GBE1: variants seen among roughly 807,000 people sequenced by gnomAD.
The protein encoded by GBE1 is 1,4-alpha-glucan branching enzyme 1.
A neutral mutation model predicts 88.8 loss-of-function variants in GBE1; 70 were observed. The observed-to-expected ratio is 0.79, with a 90% CI of 0.65 to 0.96. GBE1 has a LOEUF of 0.96. Among genes scored for constraint, GBE1 ranks in the 40% least tolerant of loss-of-function variants. The pLI, the probability that GBE1 is intolerant of heterozygous loss-of-function variation, is 0.00. For missense variants in GBE1, 872 were observed against 871.0 expected (o/e 1.00, Z -0.01); for synonymous variants, 284 against 300.1 (o/e 0.95, Z 0.56).
intron 7 of GBE1, among the ~76,000 whole-genome samples, chr3:81,609,763 T>C (rs1704147838): frequency 6.6e-6 from 1 of 152,198 alleles, no homozygotes; most frequent in African/African-American, 2.4e-5. Flanking sequence ...ACTGTTAATA[T>C]TGTTGGTTGC....
intron 3 of GBE1, among the ~76,000 whole-genome samples, chr3:81,660,595 T>TA (rs1222036361): frequency 1.3e-5 from 2 of 151,948 alleles, no homozygotes; most frequent in African/African-American, 2.4e-5. Context: ...GCTGACCATT[T>TA]AAAAAAAATT....
chr3:81,740,796 T>C (rs992962982), intron 1 of GBE1, among the ~76,000 whole-genome samples: 6 of 93,574 alleles, frequency 6.4e-5, no homozygotes, highest in African/African-American at 2.6e-4. Flanking sequence ...ACACAATTTA[T>C]TTAAAATCAA....
intron 4 of GBE1, 106 bp downstream of exon 4, chr3:81,649,690 T>A (rs1704817428): frequency 7.3e-6 from 6 of 824,732 alleles, no homozygotes. Flanking sequence ...TACGCAACTG[T>A]CAGTGAAGAT....
intron 14 of GBE1, among the ~76,000 whole-genome samples, chr3:81,510,782 G>A (rs893461930): frequency 2.6e-5 from 4 of 151,950 alleles, no homozygotes; most frequent in African/African-American, 9.7e-5. Context: ...CATGCACGGG[G>A]ATATTTTATA....
chr3:81,510,083 CTACTT>C (rs1241783476), intron 14 of GBE1, among the ~76,000 whole-genome samples: 1 of 152,002 alleles, frequency 6.6e-6, no homozygotes, highest in Non-Finnish European at 1.5e-5. Flanking sequence ...CTTTCCATAT[CTACTT>C]TACTGGTTAG....
chr3:81,634,816 T>TGTCTTTTCCATGA (rs1704569736), intron 7 of GBE1, among the ~76,000 whole-genome samples: 2 of 152,116 alleles, frequency 1.3e-5, no homozygotes, highest in African/African-American at 2.4e-5. Context: ...GGAGAAAAGT[T>TGTCTTTTCCATGA]AGTGAAGGAA....
chr3:81,653,706 T>G (rs1422663910), intron 3 of GBE1, among the ~76,000 whole-genome samples: 1 of 152,190 alleles, frequency 6.6e-6, no homozygotes, highest in Non-Finnish European at 1.5e-5. Context: ...GCAGAAAAAG[T>G]CTTCTAAGTT....
At chr3:81,614,588 G>A (rs533248293) in intron 7 of GBE1, among the ~76,000 whole-genome samples, 19 of 152,198 alleles carry the variant, frequency 1.2e-4, no homozygotes, top group Admixed American at 2.6e-4. Flanking sequence ...AAATCAGCAC[G>A]GTGACTCATG....
intron 1 of GBE1, among the ~76,000 whole-genome samples, chr3:81,722,938 A>T (rs1056812393): frequency 6.7e-6 from 1 of 149,268 alleles, no homozygotes; most frequent in Non-Finnish European, 1.5e-5. Context: ...ATATATATGT[A>T]CTTATATACA....
intron 14 of GBE1, among the ~76,000 whole-genome samples, chr3:81,510,748 T>C (rs1559628828): frequency 1.3e-5 from 2 of 151,928 alleles, no homozygotes; most frequent in Non-Finnish European, 2.9e-5. Flanking sequence ...AAATAAAAAA[T>C]AAGCAAAGGG....
intron 1 of GBE1, among the ~76,000 whole-genome samples, chr3:81,741,614 T>C (rs1404996895): frequency 6.6e-6 from 1 of 151,920 alleles, no homozygotes; most frequent in African/African-American, 2.4e-5. Context: ...GAAATCAGCA[T>C]AATTAATGGG....
chr3:81,739,037 G>C (rs1706312795), intron 1 of GBE1, among the ~76,000 whole-genome samples: 1 of 152,116 alleles, frequency 6.6e-6, no homozygotes, highest in Non-Finnish European at 1.5e-5. Context: ...TCTTCATGTG[G>C]TGGAAAAGGT....
intron 2 of GBE1, among the ~76,000 whole-genome samples, chr3:81,683,996 G>T (rs1337513482): frequency 6.6e-6 from 1 of 152,070 alleles, no homozygotes; most frequent in African/African-American, 2.4e-5. Flanking sequence ...AAAAAAATAG[G>T]AAGACTTGGT....
chr3:81,707,736 A>T (rs1482167783), intron 1 of GBE1, among the ~76,000 whole-genome samples: 1 of 152,078 alleles, frequency 6.6e-6, no homozygotes, highest in Non-Finnish European at 1.5e-5. Flanking sequence ...AGCATTTAAG[A>T]AATAACTATT....
At chr3:81,738,631 A>T (rs1397215202) in intron 1 of GBE1, among the ~76,000 whole-genome samples, 1 of 152,126 alleles carries the variant, frequency 6.6e-6, no homozygotes, top group Non-Finnish European at 1.5e-5. Context: ...GAAAAATTCT[A>T]AAAAAATTCC....
intron 12 of GBE1, among the ~76,000 whole-genome samples, chr3:81,537,358 G>A (rs1165188021): frequency 1.3e-5 from 2 of 151,866 alleles, no homozygotes. Context: ...GTTTCCTCAA[G>A]CACAAACTGA....
chr3:81,628,291 G>A (rs2107027405), intron 7 of GBE1, among the ~76,000 whole-genome samples: 1 of 152,198 alleles, frequency 6.6e-6, no homozygotes, highest in South Asian at 2.1e-4. Flanking sequence ...GTGCAGCATA[G>A]TCTCTACAAC....
chr3:81,507,661 C>CAT (rs944765451), intron 14 of GBE1, among the ~76,000 whole-genome samples: 4 of 149,256 alleles, frequency 2.7e-5, no homozygotes, highest in Admixed American at 6.7e-5. Context: ...TTTCTTTATA[C>CAT]ATATATGTGT....
intron 7 of GBE1, among the ~76,000 whole-genome samples, chr3:81,630,041 T>C (rs1390130688): frequency 6.6e-6 from 1 of 152,144 alleles, no homozygotes; most frequent in Non-Finnish European, 1.5e-5. Context: ...ACCAAGGACA[T>C]GAACTCATCA....
Sources: gnomAD v4.1 joint callset for allele counts (sites outside exome capture counted in the v4.1 genomes callset) on GRCh38, gnomAD v4.1.1 for gene constraint, MANE v1.5 for transcripts, NCBI Gene and HGNC (gene_info 2026-07-23, HGNC 2026-07-21) for gene names.